Variants in NEO1 observed in about 807,000 individuals in gnomAD.
NEO1 encodes the protein neogenin.
Under a neutral mutation model 159.7 loss-of-function variants are expected in NEO1, and 63 were observed. That is an observed-to-expected ratio of 0.39 (90% CI 0.32 to 0.49). NEO1 has a LOEUF of 0.49. Among genes scored for constraint, NEO1 ranks in the 20% least tolerant of loss-of-function variants. The pLI is 0.85. For synonymous variants in NEO1, 633 were observed against 662.0 expected (o/e 0.96, Z 0.67); for missense variants, 1,615 against 1,831.0 (o/e 0.88, Z 2.15).
intron 5 of NEO1, among the ~76,000 whole-genome samples, chr15:73,171,339 G>A (rs564242132): frequency 1.1e-4 from 17 of 152,210 alleles, no homozygotes; most frequent in African/African-American, 4.1e-4. Flanking sequence ...AAGGTAGGAG[G>A]ATCGCTTGAG....
rs189929142 is a variant in NEO1, at chr15:73,232,628, C to T, written c.1292-3719C>T. On this transcript the variant is annotated intron_variant, in intron 7 of 28. Coordinates refer to ENST00000261908, the MANE Select transcript of NEO1 (RefSeq NM_002499.4). ...AGGGTACATACACATGGCCTTCAGT[C>T]AACCTAGGATATGTGCAGAGGTTAC... Among the ~76,000 whole-genome samples the T allele has an allele frequency of 7.4e-4, 113 of 152,272 alleles. 1 individual carries two copies. The highest frequency in any genetic ancestry group is 2.4e-3 in the African/African-American group (101 of 41,556).
At chr15:73,098,125 C>T (rs1022236143) in intron 1 of NEO1, among the ~76,000 whole-genome samples, 3 of 151,854 alleles carry the variant, frequency 2.0e-5, no homozygotes, top group African/African-American at 7.3e-5. Flanking sequence ...AATACTAATG[C>T]TAACTGCAAT....
chr15:73,071,040 C>T (rs1454277718), intron 1 of NEO1, among the ~76,000 whole-genome samples: 2 of 152,102 alleles, frequency 1.3e-5, no homozygotes, highest in Admixed American at 6.5e-5. Context: ...TCATAGCTAA[C>T]GGTAGCCTTC....
intron 19 of NEO1, among the ~76,000 whole-genome samples, chr15:73,272,938 C>T (rs1428534964): frequency 1.3e-4 from 16 of 123,582 alleles, no homozygotes; most frequent in Non-Finnish European, 2.6e-4. Context: ...ACCCAATAAA[C>T]AGAGATTCTG....
chr15:73,273,818 C>T lies in NEO1; in HGVS notation c.2973C>T (p.Ile991=), dbSNP rs1567665354. 1 of 1,610,668 alleles carries T rather than the reference C, an allele frequency of 6.2e-7. No homozygotes were observed. Reference sequence around the variant, plus strand: ...ATTAATTCCTTTGGACAGGTTACATCATATATTACAGTACAGATGTGAATG... The same window carrying T: ...ATTAATTCCTTTGGACAGGTTACATTATATATTACAGTACAGATGTGAATG... ...SEANGKITGY[I]IYYSTDVNAE... Residue 991 remains isoleucine (I), a synonymous_variant, in exon 20 of 29, where the codon ATC becomes ATT. Transcript: ENST00000261908.
intron 5 of NEO1, 127 bp downstream of exon 5, chr15:73,136,154 C>T (rs1263592257): frequency 3.0e-6 from 2 of 656,928 alleles, no homozygotes; most frequent in Non-Finnish European, 4.5e-6. Flanking sequence ...CTAGACCAGA[C>T]TGCTTGGGTT....
intron 7 of NEO1, among the ~76,000 whole-genome samples, chr15:73,182,925 C>T (rs954468668): frequency 1.2e-4 from 18 of 152,194 alleles, no homozygotes; most frequent in African/African-American, 4.3e-4. Context: ...CATTGTTTCA[C>T]TTTTGGCAGA....
At chr15:73,129,121 G>A (rs924723954) in intron 4 of NEO1, among the ~76,000 whole-genome samples, 13 of 152,186 alleles carry the variant, frequency 8.5e-5, no homozygotes, top group African/African-American at 3.1e-4. Flanking sequence ...CCAGACTCTA[G>A]CACAGTGCTT....
At chr15:73,130,355 G>C (rs2030949600) in intron 4 of NEO1, among the ~76,000 whole-genome samples, 1 of 148,464 alleles carries the variant, frequency 6.7e-6, no homozygotes, top group Non-Finnish European at 1.5e-5. Context: ...GCTGTGTTTT[G>C]CCTCATATAT....
rs370339161 is a variant in NEO1 at position 73,267,138 on chromosome 15, G to A, written c.2494+727G>A. On this transcript the variant is annotated intron_variant, in intron 16 of 28. Transcript: ENST00000261908. ...CCAGGCGTGGTGCTGGGCGCCTGTA[G>A]TCCCAGCAACTCGGAAGGCTGAGGA... Among the ~76,000 whole-genome samples, 4 of 152,254 alleles carry A rather than the reference G, an allele frequency of 2.6e-5. No individual in the cohort carries two copies. In the East Asian group the frequency reaches 5.8e-4, roughly 22 times the overall value.
intron 5 of NEO1, among the ~76,000 whole-genome samples, chr15:73,154,353 G>T (rs905167287): frequency 9.9e-5 from 15 of 152,142 alleles, no homozygotes. Flanking sequence ...GTTACAAACA[G>T]TCCAGTTATT....
intron 1 of NEO1, among the ~76,000 whole-genome samples, chr15:73,074,577 G>A (rs979775247): frequency 3.9e-5 from 6 of 152,182 alleles, no homozygotes; most frequent in Non-Finnish European, 8.8e-5. Context: ...TTTTCGATGT[G>A]TGAGGATACC....
intron 7 of NEO1, among the ~76,000 whole-genome samples, chr15:73,200,089 C>T (rs1257711421): frequency 2.0e-5 from 3 of 152,092 alleles, no homozygotes; most frequent in South Asian, 2.1e-4. Flanking sequence ...TCTGTTTTCT[C>T]GAAAAGATTG....
chr15:73,167,913 A>G (rs897405122), intron 5 of NEO1, among the ~76,000 whole-genome samples: 4 of 152,214 alleles, frequency 2.6e-5, no homozygotes, highest in African/African-American at 7.2e-5. Context: ...TTTCATGTTC[A>G]TGAAAATTTT....
chr15:73,198,949 C>T (rs1490893713), intron 7 of NEO1, among the ~76,000 whole-genome samples: 1 of 150,938 alleles, frequency 6.6e-6, no homozygotes, highest in Non-Finnish European at 1.5e-5. Flanking sequence ...TCACAAATAA[C>T]CAACATTGAT....
chr15:73,249,804 A>G, intron 11 of NEO1, 83 bp downstream of exon 11: 1 of 1,438,580 alleles, frequency 7.0e-7, no homozygotes, highest in Non-Finnish European at 9.3e-7. Context: ...TTTGATGTCT[A>G]GAAGATTCAG....
intron 7 of NEO1, among the ~76,000 whole-genome samples, chr15:73,227,689 C>T (rs2038670075): frequency 6.6e-6 from 1 of 152,176 alleles, no homozygotes; most frequent in Admixed American, 6.5e-5. Flanking sequence ...AAATGTAATA[C>T]CTTTTCTCAA....
intron 5 of NEO1, among the ~76,000 whole-genome samples, chr15:73,145,773 A>T (rs1386473088): frequency 6.6e-6 from 1 of 152,172 alleles, no homozygotes. Flanking sequence ...CACACCAATT[A>T]GGAAGAAGCT....
chr15:73,064,659 ATCTTAC>A (rs1194547331), intron 1 of NEO1, among the ~76,000 whole-genome samples: 3 of 151,794 alleles, frequency 2.0e-5, no homozygotes, highest in African/African-American at 7.3e-5. Flanking sequence ...TAGAAACAAG[ATCTTAC>A]TATATTGTCC....
Sources: allele counts gnomAD v4.1 joint callset (sites outside exome capture counted in the v4.1 genomes callset), GRCh38; gene constraint gnomAD v4.1.1; transcripts MANE v1.5; gene names NCBI Gene and HGNC (gene_info 2026-07-23, HGNC 2026-07-21).